The following IFT56 variants were observed in gnomAD, a reference collection of about 807,000 sequenced individuals.
IFT56 encodes intraflagellar transport 56, also known as intraflagellar transport protein 56.
At chr7:139,155,313 T>G in the IFT56 span, among the ~76,000 whole-genome samples, 1 of 152,182 alleles carries the variant, frequency 6.6e-6, no homozygotes, top group African/African-American at 2.4e-5. Context: ...TTTTCTTGTC[T>G]AACTGCCCTG....
At chr7:139,183,736 A>G in the IFT56 span, among the ~76,000 whole-genome samples, 2 of 152,230 alleles carry the variant, frequency 1.3e-5, no homozygotes, top group South Asian at 4.1e-4. Flanking sequence ...TACTTACCAT[A>G]TGACCCAGCA....
chr7:139,150,507 A>G, the IFT56 span, among the ~76,000 whole-genome samples: 1 of 152,206 alleles, frequency 6.6e-6, no homozygotes, highest in Non-Finnish European at 1.5e-5. Flanking sequence ...TCTAACCTCA[A>G]AAGGCAAGCT....
At chr7:139,173,887 T>A in the IFT56 span, 33 of 702,234 alleles carry the variant, frequency 4.7e-5, 2 homozygotes, top group South Asian at 4.6e-4. Flanking sequence ...TCTCTTTTTG[T>A]TTGAAGCTCT....
the IFT56 span, among the ~76,000 whole-genome samples, chr7:139,150,606 A>T: frequency 6.6e-6 from 1 of 152,174 alleles, no homozygotes; most frequent in Non-Finnish European, 1.5e-5. Flanking sequence ...GTACCAGAAG[A>T]ACCTTTTTTT....
the IFT56 span, chr7:139,168,594 T>C: frequency 1.8e-6 from 1 of 567,634 alleles, no homozygotes; most frequent in East Asian, 2.8e-5. Context: ...AAAAAAAAAC[T>C]TGTAACCCTA....
chr7:139,134,708 A>C, the IFT56 span: 1 of 1,614,088 alleles, frequency 6.2e-7, no homozygotes, highest in Non-Finnish European at 8.5e-7. Context: ...ACACTGACAA[A>C]AGAAAGAAGA....
At chr7:139,161,295 C>T in the IFT56 span, 13 of 376,748 alleles carry the variant, frequency 3.5e-5, no homozygotes, top group African/African-American at 1.0e-4. Context: ...GACAAAGGAA[C>T]GTATCCCTCT....
the IFT56 span, chr7:139,168,487 A>G: frequency 1.1e-6 from 1 of 896,244 alleles, no homozygotes; most frequent in African/African-American, 1.7e-5. Context: ...AAGCAGCAAT[A>G]GGCTCTCCTG....
At chr7:139,163,042 A>G in the IFT56 span, among the ~76,000 whole-genome samples, 1 of 150,552 alleles carries the variant, frequency 6.6e-6, no homozygotes, top group African/African-American at 2.4e-5. Context: ...CACAGTATGC[A>G]TTTAGAAAAT....
At chr7:139,186,406 A>G in the IFT56 span, among the ~76,000 whole-genome samples, 4 of 152,024 alleles carry the variant, frequency 2.6e-5, no homozygotes, top group East Asian at 5.8e-4. Flanking sequence ...AGCCTGGGCA[A>G]TAGTGCAAGA....
chr7:139,189,157 T>C, the IFT56 span, among the ~76,000 whole-genome samples: 6 of 152,174 alleles, frequency 3.9e-5, no homozygotes, highest in African/African-American at 1.4e-4. Context: ...AATAAGAACA[T>C]AAGGCTAGGC....
At chr7:139,161,039 C>T in the IFT56 span, 32 of 1,609,062 alleles carry the variant, frequency 2.0e-5, no homozygotes, top group Admixed American at 3.3e-5. Context: ...AACGATTTCC[C>T]GTCTTGACTG....
chr7:139,169,828 T>C, the IFT56 span, among the ~76,000 whole-genome samples: 2 of 151,818 alleles, frequency 1.3e-5, no homozygotes, highest in Non-Finnish European at 2.9e-5. Flanking sequence ...CTGGGCAACA[T>C]AGGAAGACCC....
chr7:139,189,512 T>C, the IFT56 span: 1 of 968,990 alleles, frequency 1.0e-6, no homozygotes. Context: ...TAATCTGTGA[T>C]ACAGGGCTCT....
At chr7:139,188,269 T>C in the IFT56 span, among the ~76,000 whole-genome samples, 37 of 151,992 alleles carry the variant, frequency 2.4e-4, no homozygotes, top group East Asian at 5.4e-3. Context: ...CCTGGCTAAT[T>C]TTTGTATTTT....
chr7:139,165,057 C>T, the IFT56 span: 2 of 1,178,672 alleles, frequency 1.7e-6, no homozygotes, highest in African/African-American at 1.5e-5. Flanking sequence ...GTTATATATG[C>T]CAGCTCCTTA....
At chr7:139,182,069 G>A in the IFT56 span, among the ~76,000 whole-genome samples, 1 of 151,654 alleles carries the variant, frequency 6.6e-6, no homozygotes, top group Non-Finnish European at 1.5e-5. Context: ...AGAAATGGCT[G>A]TTTTGTGTGC....
At chr7:139,133,796 G>A in the IFT56 span, 2 of 1,612,626 alleles carry the variant, frequency 1.2e-6, no homozygotes, top group African/African-American at 1.3e-5. Context: ...CTGTGTGGAT[G>A]CGGCGAAACG....
chr7:139,173,152 G>C, the IFT56 span: 2 of 659,432 alleles, frequency 3.0e-6, no homozygotes, highest in Admixed American at 4.6e-5. Context: ...CAGGCTGGGA[G>C]AGAGTTCCTC....
Sources: gnomAD v4.1 joint callset for allele counts (sites outside exome capture counted in the v4.1 genomes callset) on GRCh38, gnomAD v4.1.1 for gene constraint, MANE v1.5 for transcripts, NCBI Gene and HGNC (gene_info 2026-07-23, HGNC 2026-07-21) for gene names.